The following SYT6 variants were observed in gnomAD, a reference collection of about 807,000 sequenced individuals.
SYT6 encodes synaptotagmin 6, also known as synaptotagmin-6.
A neutral mutation model predicts 38.4 loss-of-function variants in SYT6; 24 were observed. That is an observed-to-expected ratio of 0.62 (90% CI 0.45 to 0.88). The LOEUF is 0.88. SYT6 is among the 40% of genes least tolerant of loss of function. SYT6 has a pLI of 0.00. For synonymous variants in SYT6, 265 were observed against 241.9 expected, an observed-to-expected ratio of 1.10 and a Z score of -0.89; for missense variants, 611 against 621.0, an observed-to-expected ratio of 0.98 and a Z score of 0.17.
At chr1:114,109,701 A>G (rs1162993492) in intron 3 of SYT6, among the ~76,000 whole-genome samples, 1 of 152,188 alleles carries the variant, frequency 6.6e-6, no homozygotes, top group African/African-American at 2.4e-5. Context: ...AGGGGCAGGG[A>G]AAGGCATGTC....
chr1:114,145,482 A>T (rs369781184), intron 1 of SYT6, among the ~76,000 whole-genome samples: 101 of 150,944 alleles, frequency 6.7e-4, no homozygotes, highest in African/African-American at 2.0e-3. Context: ...GAACAAAAAA[A>T]CATATATTGG....
chr1:114,141,268 G>T (rs577099116), intron 1 of SYT6, among the ~76,000 whole-genome samples: 1 of 152,184 alleles, frequency 6.6e-6, no homozygotes, highest in African/African-American at 2.4e-5. Context: ...GATCTTAAAG[G>T]AAATCAGAAG....
intron 3 of SYT6, among the ~76,000 whole-genome samples, chr1:114,130,402 C>T (rs371330777): frequency 6.6e-6 from 1 of 152,122 alleles, no homozygotes; most frequent in East Asian, 1.9e-4. Context: ...CGAGTGATTC[C>T]TCCTTTGACT....
intron 3 of SYT6, among the ~76,000 whole-genome samples, chr1:114,126,309 G>C (rs74112943): frequency 6.6e-6 from 1 of 152,104 alleles, no homozygotes; most frequent in African/African-American, 2.4e-5. Context: ...ACCATGGTCC[G>C]CGGGAAAATG....
intron 3 of SYT6, among the ~76,000 whole-genome samples, chr1:114,112,719 T>C (rs1432777870): frequency 1.3e-5 from 2 of 152,248 alleles, no homozygotes; most frequent in African/African-American, 4.8e-5. Flanking sequence ...CACTGTCATC[T>C]TCATTAACCA....
rs1046859646 is a variant in SYT6 at position 114,090,065 on chromosome 1, A to G, written c.*2069T>C. 1.3e-5 allele frequency: 2 copies of G among 152,344 alleles called. No homozygotes were observed. The highest frequency in any genetic ancestry group is 2.4e-5 in the African/African-American group (1 of 41,442). 9.4% of individuals were successfully genotyped at this position (152,344 alleles called of 1,614,324 possible). On this transcript the variant is annotated 3_prime_UTR_variant, in exon 8 of 8. Transcript: ENST00000610222. ...TTCACTTCCAGAAGGACCTTCTCAC[A>G]CTAATTTCTGGACTCCTTATGACCC...
chr1:114,123,869 G>T (rs1677563107), intron 3 of SYT6, among the ~76,000 whole-genome samples: 1 of 152,222 alleles, frequency 6.6e-6, no homozygotes, highest in Admixed American at 6.5e-5. Context: ...CCCCTCCCCG[G>T]CTCTTTCCCT....
intron 3 of SYT6, among the ~76,000 whole-genome samples, chr1:114,124,008 C>T (rs1246394676): frequency 6.6e-6 from 1 of 151,946 alleles, no homozygotes; most frequent in East Asian, 1.9e-4. Context: ...AATGGAAGGA[C>T]TGGTTCATTC....
intron 1 of SYT6, among the ~76,000 whole-genome samples, chr1:114,147,330 A>T (rs927768147): frequency 1.3e-5 from 2 of 152,200 alleles, no homozygotes; most frequent in Non-Finnish European, 2.9e-5. Flanking sequence ...TGGAAGAAAA[A>T]CCTATAATTG....
chr1:114,149,705 A>G lies in SYT6; in HGVS notation c.163+3905T>C, dbSNP rs2101128889. 1.3e-5 allele frequency among the ~76,000 whole-genome samples: 2 copies of G among 152,114 alleles called. 1 individual carries two copies. Among genetic ancestry groups the G allele is most frequent in the South Asian group, 4.1e-4 (2 of 4,828 alleles). ...GGGTCAGGGCATGTGGCCCTTCTGAATGTGGGATCAAGGCTGGAGTGATGG... is the reference window on the plus strand; with the variant it reads ...GGGTCAGGGCATGTGGCCCTTCTGAGTGTGGGATCAAGGCTGGAGTGATGG... On this transcript the variant is annotated intron_variant, in intron 1 of 7. Transcript: ENST00000610222.
intron 3 of SYT6, among the ~76,000 whole-genome samples, chr1:114,118,204 C>T (rs1677116851): frequency 6.6e-6 from 1 of 152,258 alleles, no homozygotes; most frequent in South Asian, 2.1e-4. Flanking sequence ...TCCCTTCCCC[C>T]TGCTCACCCA....
intron 1 of SYT6, among the ~76,000 whole-genome samples, chr1:114,144,029 C>T (rs566428434): frequency 2.5e-4 from 38 of 152,296 alleles, no homozygotes; most frequent in Admixed American, 1.3e-4. Context: ...GCAGGGTTTG[C>T]AAAAAGGTTA....
chr1:114,105,307 T>C (rs1022930202), intron 3 of SYT6, among the ~76,000 whole-genome samples: 7 of 124,478 alleles, frequency 5.6e-5, no homozygotes, highest in Non-Finnish European at 1.0e-4. Context: ...TACAGCCCTG[T>C]TCCCCCCCTG....
chr1:114,093,690 G>C, intron 7 of SYT6, 45 bp downstream of exon 7: 15 of 1,572,604 alleles, frequency 9.5e-6, no homozygotes, highest in Middle Eastern at 1.7e-4. Context: ...GGAGACAAAA[G>C]GTAATAAGCA....
chr1:114,135,230 G>T (rs1423306476), intron 3 of SYT6, among the ~76,000 whole-genome samples: 1 of 152,130 alleles, frequency 6.6e-6, no homozygotes, highest in South Asian at 2.1e-4. Flanking sequence ...TTGTCCTGTC[G>T]AGTTATTTAT....
chr1:114,118,203 C>T (rs544921155), intron 3 of SYT6, among the ~76,000 whole-genome samples: 3 of 152,340 alleles, frequency 2.0e-5, no homozygotes, highest in Admixed American at 1.3e-4. Flanking sequence ...CTCCCTTCCC[C>T]CTGCTCACCC....
chr1:114,105,060 G>A (rs1200918249), intron 3 of SYT6, among the ~76,000 whole-genome samples: 2 of 150,938 alleles, frequency 1.3e-5, no homozygotes, highest in Admixed American at 6.6e-5. Flanking sequence ...CATTTTATTA[G>A]GGCAAAGGAC....
In SYT6 at chr1:114,137,844, T is replaced by C; in HGVS notation, c.722A>G (p.Tyr241Cys). ...GKINFSLRYD[Y>C]ETETLIVRIL... The stretch of plus-strand genomic sequence containing the variant: ...ACGCACAATCAGGGTCTCGGTCTCG[T>C]AATCGTAGCGTAGGCTGAAGTTGAT... Residue 241 changes from tyrosine to cysteine, a missense_variant, in exon 3 of 8, where the codon TAC (tyrosine) becomes TGC (cysteine). By Grantham distance (194) the Tyr-to-Cys change is radical (BLOSUM62 -2). Coordinates refer to ENST00000610222, the MANE Select transcript of SYT6 (RefSeq NM_001253772.2). 1 of 1,613,948 alleles carries C rather than the reference T, an allele frequency of 6.2e-7. No individual in the cohort carries two copies. Among genetic ancestry groups the C allele is most frequent in the Non-Finnish European group, 8.5e-7 (1 of 1,179,994 alleles).
rs199642445 is a variant in SYT6 at position 114,092,330 on chromosome 1, CTCTCTCTCTG to C, written c.*52-258_*52-249del. Among the ~76,000 whole-genome samples, 168 of 149,208 alleles carry C rather than the reference CTCTCTCTCTG, an allele frequency of 1.1e-3. 1 individual carries two copies. In the South Asian group the frequency reaches 0.013, roughly 11 times the overall value. On this transcript the variant is annotated intron_variant, in intron 7 of 7. Transcript: ENST00000610222. ...TTCTTAACTCTCTCTCTCTCTCTCT[CTCTCTCTCTG>C]TGTGTGTGTGTGTGTGTGTGTGTGT...
Sources: gnomAD v4.1 joint callset for allele counts (sites outside exome capture counted in the v4.1 genomes callset) on GRCh38, gnomAD v4.1.1 for gene constraint, MANE v1.5 for transcripts, NCBI Gene and HGNC (gene_info 2026-07-23, HGNC 2026-07-21) for gene names.